Variants in RBFOX1 observed in about 807,000 individuals in gnomAD.
RBFOX1 encodes RNA binding fox-1 homolog 1.
RBFOX1 carries 8 observed loss-of-function variants against 57.7 expected under a neutral mutation model. The observed-to-expected ratio is 0.14, with a 90% confidence interval of 0.08 to 0.25. The LOEUF is 0.25. Among genes scored for constraint, RBFOX1 ranks in the 10% least tolerant of loss-of-function variants. The pLI, the probability that RBFOX1 is intolerant of heterozygous loss-of-function variation, is 1.00. For synonymous variants in RBFOX1, 326 were observed against 222.4 expected (o/e 1.47, Z -4.15); for missense variants, 611 against 548.5 (o/e 1.11, Z -1.14).
chr16:7,652,226 C>T (rs1469007622), intron 11 of RBFOX1, among the ~76,000 whole-genome samples: 1 of 151,794 alleles, frequency 6.6e-6, no homozygotes, highest in Admixed American at 6.6e-5. Flanking sequence ...TTCCTGGCCC[C>T]ATGGGCCCTG....
At chr16:7,398,186 C>G (rs1284718305) in intron 4 of RBFOX1, among the ~76,000 whole-genome samples, 3 of 152,196 alleles carry the variant, frequency 2.0e-5, no homozygotes, top group Non-Finnish European at 2.9e-5. Context: ...GTAGGAGATG[C>G]CTCAGACGCT....
intron 3 of RBFOX1, among the ~76,000 whole-genome samples, chr16:6,671,648 T>G (rs2154111355): frequency 6.6e-6 from 1 of 152,288 alleles, no homozygotes; most frequent in Non-Finnish European, 1.5e-5. Context: ...CCAAAGTCCG[T>G]TCTATCATTC....
At chr16:5,914,110 C>G (rs2058659082) in intron 4 of RBFOX1, among the ~76,000 whole-genome samples, 1 of 152,156 alleles carries the variant, frequency 6.6e-6, no homozygotes, top group South Asian at 2.1e-4. Flanking sequence ...GCTGTGTTGT[C>G]TCATTTGGTG....
intron 4 of RBFOX1, among the ~76,000 whole-genome samples, chr16:7,508,179 G>A (rs2073980293): frequency 6.6e-6 from 1 of 151,048 alleles, no homozygotes; most frequent in South Asian, 2.1e-4. Flanking sequence ...TAGAGATGGA[G>A]TTTTAGCAGG....
chr16:5,900,374 A>G (rs1053105043), intron 4 of RBFOX1, among the ~76,000 whole-genome samples: 1 of 152,222 alleles, frequency 6.6e-6, no homozygotes, highest in African/African-American at 2.4e-5. Context: ...CCTAGCAGAG[A>G]GAATTGTACA....
intron 3 of RBFOX1, among the ~76,000 whole-genome samples, chr16:6,725,269 T>C (rs950847832): frequency 1.4e-4 from 21 of 152,164 alleles, no homozygotes; most frequent in African/African-American, 5.1e-4. Context: ...GCCAGGATGG[T>C]CTGGATCTCC....
intron 2 of RBFOX1, among the ~76,000 whole-genome samples, chr16:5,591,044 A>G (rs1850365400): frequency 1.3e-5 from 2 of 152,000 alleles, no homozygotes; most frequent in South Asian, 4.2e-4. Flanking sequence ...GAAAATGGCA[A>G]GAAATGAAGC....
intron 4 of RBFOX1, among the ~76,000 whole-genome samples, chr16:7,275,758 C>G (rs2095428776): frequency 6.6e-6 from 1 of 152,194 alleles, no homozygotes; most frequent in Non-Finnish European, 1.5e-5. Flanking sequence ...AAAATATCCA[C>G]TTTGTGACCT....
intron 3 of RBFOX1, among the ~76,000 whole-genome samples, chr16:7,034,923 A>ACTG (rs1216679171): frequency 7.7e-6 from 1 of 129,058 alleles, no homozygotes; most frequent in Non-Finnish European, 1.5e-5. Context: ...ATCTCTGTTC[A>ACTG]CTGCAACCTC....
chr16:6,734,655 C>G lies in RBFOX1; in HGVS notation c.-16+80005C>G, dbSNP rs1318914000. Among the ~76,000 whole-genome samples the G allele has an allele frequency of 3.3e-5, 5 of 152,242 alleles. No individual in the cohort carries two copies. The East Asian group carries it at 9.7e-4, about 29-fold the overall frequency. Reference sequence around the variant, plus strand: ...ATTCTTTTCTTTGTGATAGTTTCTCCTCTCATTCTACACATATTTTATCTT... The same window carrying G: ...ATTCTTTTCTTTGTGATAGTTTCTCGTCTCATTCTACACATATTTTATCTT... On this transcript the variant is annotated intron_variant, in intron 3 of 15. Coordinates refer to ENST00000550418, the MANE Select transcript of RBFOX1 (RefSeq NM_018723.4).
intron 2 of RBFOX1, among the ~76,000 whole-genome samples, chr16:6,653,746 A>C (rs567480906): frequency 6.6e-6 from 1 of 151,604 alleles, no homozygotes; most frequent in South Asian, 2.1e-4. Flanking sequence ...AGATGGATGG[A>C]TGGGTGGGTA....
intron 3 of RBFOX1, among the ~76,000 whole-genome samples, chr16:6,812,537 C>G (rs367571755): frequency 3.2e-4 from 49 of 152,152 alleles, no homozygotes; most frequent in African/African-American, 1.2e-3. Flanking sequence ...CCACGCCCAG[C>G]TAATTTTTTT....
chr16:6,561,336 C>T (rs2097176719), intron 2 of RBFOX1, among the ~76,000 whole-genome samples: 1 of 152,146 alleles, frequency 6.6e-6, no homozygotes, highest in South Asian at 2.1e-4. Context: ...TTCCGTAATA[C>T]ATATTTACCT....
intron 1 of RBFOX1, among the ~76,000 whole-genome samples, chr16:5,278,981 G>A (rs556857580): frequency 5.9e-5 from 9 of 152,060 alleles, no homozygotes; most frequent in Non-Finnish European, 1.2e-4. Flanking sequence ...CACTGTTTTG[G>A]TTACTATAGC....
chr16:6,704,811 C>G (rs533383933), intron 3 of RBFOX1: 71 of 152,308 alleles, frequency 4.7e-4, no homozygotes, highest in African/African-American at 1.7e-3. Flanking sequence ...TGCTGCGTTC[C>G]TTTCCCACCC....
intron 10 of RBFOX1, among the ~76,000 whole-genome samples, chr16:7,628,981 G>A (rs538644055): frequency 6.6e-6 from 1 of 152,130 alleles, no homozygotes; most frequent in Non-Finnish European, 1.5e-5. Flanking sequence ...CTGACACTCC[G>A]CCAGACTCTT....
At chr16:6,944,413 AAAGAAAG>A (rs1452061802) in intron 3 of RBFOX1, among the ~76,000 whole-genome samples, 1 of 149,686 alleles carries the variant, frequency 6.7e-6, no homozygotes, top group African/African-American at 2.5e-5. Context: ...AAAAAAAAAA[AAAGAAAG>A]AAAAGAAAAA....
At chr16:6,894,181 C>A (rs1172593461) in intron 3 of RBFOX1, among the ~76,000 whole-genome samples, 1 of 152,130 alleles carries the variant, frequency 6.6e-6, no homozygotes, top group Non-Finnish European at 1.5e-5. Context: ...GTCTGTCTGT[C>A]CTTTTTATTC....
intron 4 of RBFOX1, among the ~76,000 whole-genome samples, chr16:5,916,252 C>G (rs531856292): frequency 2.4e-4 from 36 of 152,254 alleles, no homozygotes; most frequent in African/African-American, 7.5e-4. Flanking sequence ...GGTTGGAAAG[C>G]TTTATCCATA....
Sources: allele counts gnomAD v4.1 joint callset (sites outside exome capture counted in the v4.1 genomes callset), GRCh38; gene constraint gnomAD v4.1.1; transcripts MANE v1.5; gene names NCBI Gene and HGNC (gene_info 2026-07-23, HGNC 2026-07-21).